Variants in PCBP2 observed in about 807,000 individuals in gnomAD.
PCBP2 encodes the protein poly(rC)-binding protein 2.
PCBP2 carries 4 observed loss-of-function variants against 50.1 expected under a neutral mutation model. The observed-to-expected ratio is 0.08, with a 90% CI of 0.04 to 0.18. The LOEUF is 0.18. PCBP2 is among the 10% of genes least tolerant of loss of function. The pLI is 1.00. For missense variants in PCBP2, 161 were observed against 474.3 expected, an observed-to-expected ratio of 0.34 and a Z score of 6.14; for synonymous variants, 179 against 168.0, an observed-to-expected ratio of 1.07 and a Z score of -0.51.
In PCBP2 at chr12:53,478,511, TAAATA is replaced by T. The variant is rs919079638; in HGVS notation, c.1053-892_1053-888del. Among the ~76,000 whole-genome samples, 110 of 149,804 alleles carry T rather than the reference TAAATA, an allele frequency of 7.3e-4. 1 individual carries two copies. The highest frequency in any genetic ancestry group is 2.6e-3 in the African/African-American group (106 of 40,610). ...TGAAACTCAGTCTCAAAAAAATAAATAAATAAATAAGGCCAGGCGCGGTGGCTCAT... is the reference window on the plus strand; with the variant it reads ...TGAAACTCAGTCTCAAAAAAATAAATAATAAGGCCAGGCGCGGTGGCTCAT... On this transcript the variant is annotated intron_variant, in intron 14 of 14. Coordinates refer to ENST00000546463, the MANE Select transcript of PCBP2 (RefSeq NM_031989.5).
rs5798266 is a variant in PCBP2 at position 53,468,917 on chromosome 12, C to CTTTTTTTTTTTTTTTT, written c.882+89_882+104dup. The CTTTTTTTTTTTTTTTT allele has an allele frequency of 8.7e-6, 5 of 574,550 alleles. No homozygotes were observed. In the African/African-American group the frequency reaches 1.1e-4, roughly 13 times the overall value. The allele number at this position is 574,550 out of a possible 1,614,324, so 35.6% of individuals were successfully genotyped here. On this transcript the variant is annotated intron_variant, in intron 13 of 14. Transcript: ENST00000546463. ...GTCGTTTCAGCAGTGTCCTGCTACC[C>CTTTTTTTTTTTTTTTT]TTTTTTTTTTTTTTTTTTTAAACAG...
intron 10 of PCBP2, among the ~76,000 whole-genome samples, chr12:53,466,269 T>C (rs1941815511): frequency 6.6e-6 from 1 of 152,246 alleles, no homozygotes; most frequent in Admixed American, 6.5e-5. Flanking sequence ...TGTGATTTGT[T>C]ATCTCAGGGC....
At chr12:53,456,769 C>T (rs1240286664) in intron 5 of PCBP2, among the ~76,000 whole-genome samples, 1 of 152,144 alleles carries the variant, frequency 6.6e-6, no homozygotes, top group Non-Finnish European at 1.5e-5. Flanking sequence ...CCCCACCAAC[C>T]TTCAGAGGCT....
At chr12:53,463,174 C>T (rs1231485837) in intron 8 of PCBP2, among the ~76,000 whole-genome samples, 6 of 152,124 alleles carry the variant, frequency 3.9e-5, no homozygotes, top group Non-Finnish European at 7.4e-5. Context: ...GCTGTGGTGC[C>T]GTGACCTTTG....
At chr12:53,459,651 C>G in intron 6 of PCBP2, 1 of 275,466 alleles carries the variant, frequency 3.6e-6, no homozygotes, top group Non-Finnish European at 7.1e-6. Flanking sequence ...TGACAAGTTT[C>G]TATTTTTTTT....
Position 53,479,495 on chromosome 12 carries a change from T to G in PCBP2, c.*53T>G. On this transcript the variant is annotated 3_prime_UTR_variant, in exon 15 of 15. Transcript: ENST00000546463. ...TTCTGCTGTTCACCACCACCCATGA[T>G]CCATCTGTGTAGTTTCTGAACAGTC... 1 of 1,506,676 alleles carries G rather than the reference T, an allele frequency of 6.6e-7. No individual in the cohort carries two copies. The highest frequency in any genetic ancestry group is 2.3e-5 in the East Asian group (1 of 44,350). The allele number at this position is 1,506,676 out of a possible 1,614,324, so 93.3% of individuals were successfully genotyped here. A position where few individuals can be genotyped will look rare whatever the true frequency, so the allele number is the denominator to read the frequency against.
chr12:53,481,125 GTATATA>G lies in PCBP2; in HGVS notation c.*1690_*1695del, dbSNP rs1171499281. 9.4e-6 allele frequency: 5 copies of G among 529,722 alleles called. No individual in the cohort carries two copies. The highest frequency in any genetic ancestry group is 1.3e-5 in the Non-Finnish European group (5 of 373,120). The allele number at this position is 529,722 out of a possible 1,614,324, so 32.8% of individuals were successfully genotyped here. A position where few individuals can be genotyped will look rare whatever the true frequency, so the allele number is the denominator to read the frequency against. ...ATGTGGCGCATATATATATATATAT[GTATATA>G]TATATAATTTATATAAATATTTCTC... On this transcript the variant is annotated 3_prime_UTR_variant, in exon 15 of 15. Coordinates refer to ENST00000546463, the MANE Select transcript of PCBP2 (RefSeq NM_031989.5).
chr12:53,456,986 A>T (rs573674638), intron 5 of PCBP2, among the ~76,000 whole-genome samples: 21 of 152,314 alleles, frequency 1.4e-4, no homozygotes, highest in African/African-American at 5.1e-4. Flanking sequence ...CATGGCTTAG[A>T]AAACACGTTT....
rs1181830709 is a variant in PCBP2, at chr12:53,481,144, A to G, written c.*1702A>G. The G allele has an allele frequency of 1.1e-6, 1 of 887,376 alleles. No homozygotes were observed. Among genetic ancestry groups the G allele is most frequent in the African/African-American group, 1.8e-5 (1 of 55,988 alleles). The allele number at this position is 887,376 out of a possible 1,614,324, so 55.0% of individuals were successfully genotyped here. A position where few individuals can be genotyped will look rare whatever the true frequency, so the allele number is the denominator to read the frequency against. On this transcript the variant is annotated 3_prime_UTR_variant, in exon 15 of 15. Transcript: ENST00000546463. ...ATATATGTATATATATATAATTTAT[A>G]TAAATATTTCTCTATGTACAAGGAA... is the stretch of plus-strand genomic sequence containing the variant.
intron 6 of PCBP2, chr12:53,459,868 C>A (rs1243546529): frequency 6.6e-6 from 3 of 454,358 alleles, no homozygotes; most frequent in East Asian, 7.0e-5. Flanking sequence ...TCAGGCGATC[C>A]TCTCATCTCA....
chr12:53,463,225 T>C (rs560019655), intron 8 of PCBP2, among the ~76,000 whole-genome samples: 42 of 152,336 alleles, frequency 2.8e-4, no homozygotes, highest in African/African-American at 7.7e-4. Flanking sequence ...GTGGCCTCTC[T>C]GCTCCTTCCT....
chr12:53,454,973 C>G, intron 2 of PCBP2, 104 bp downstream of exon 2: 1 of 940,300 alleles, frequency 1.1e-6, no homozygotes, highest in Non-Finnish European at 1.7e-6. Flanking sequence ...TGTGGGGCAT[C>G]TGGCTTTAGC....
chr12:53,471,270 C>G (rs1012864703), intron 13 of PCBP2, among the ~76,000 whole-genome samples: 1 of 151,366 alleles, frequency 6.6e-6, no homozygotes, highest in Non-Finnish European at 1.5e-5. Context: ...CATAGCGAGA[C>G]CCTCGGTTTT....
At chr12:53,469,428 T>A (rs1942049658) in intron 13 of PCBP2, among the ~76,000 whole-genome samples, 1 of 151,870 alleles carries the variant, frequency 6.6e-6, no homozygotes, top group Non-Finnish European at 1.5e-5. Context: ...TTGCTGAAAA[T>A]AGAAATTCCT....
chr12:53,479,302 A>T, intron 14 of PCBP2, 104 bp from the exon 15 acceptor site: 1 of 953,754 alleles, frequency 1.0e-6, no homozygotes, highest in Non-Finnish European at 1.7e-6. Flanking sequence ...CTCCCTTGGT[A>T]CTCCAGCACT....
intron 14 of PCBP2, among the ~76,000 whole-genome samples, chr12:53,477,681 A>C (rs1327327448): frequency 4.7e-5 from 7 of 150,060 alleles, no homozygotes; most frequent in Non-Finnish European, 7.4e-5. Flanking sequence ...AAAAAAAAAA[A>C]AAAAAAAAAA....
chr12:53,456,313 C>T (rs2137022448), intron 5 of PCBP2, among the ~76,000 whole-genome samples: 1 of 152,128 alleles, frequency 6.6e-6, no homozygotes, highest in Middle Eastern at 3.4e-3. Flanking sequence ...CAAGAATTAG[C>T]TGGGCATGGT....
At chr12:53,470,378 CAA>C (rs754350790) in intron 13 of PCBP2, among the ~76,000 whole-genome samples, 15 of 47,364 alleles carry the variant, frequency 3.2e-4, no homozygotes, top group African/African-American at 1.3e-3. Flanking sequence ...CTCCGTCTCT[CAA>C]AAAAAAAAAA....
chr12:53,463,237 A>G (rs1363830684), intron 8 of PCBP2, among the ~76,000 whole-genome samples: 1 of 152,166 alleles, frequency 6.6e-6, no homozygotes, highest in Non-Finnish European at 1.5e-5. Context: ...CTCCTTCCTC[A>G]TCAACCTAAA....
Sources: allele counts gnomAD v4.1 joint callset (sites outside exome capture counted in the v4.1 genomes callset), GRCh38; gene constraint gnomAD v4.1.1; transcripts MANE v1.5; gene names NCBI Gene and HGNC (gene_info 2026-07-23, HGNC 2026-07-21).